Variants in ZNF704 observed in about 807,000 individuals in gnomAD.
ZNF704 encodes the protein glucocorticoid induced gene 1.
Under a neutral mutation model 44.7 loss-of-function variants are expected in ZNF704, and 10 were observed. The ratio of observed to expected loss-of-function variants is 0.22; its 90% CI spans 0.14 to 0.38. The LOEUF (loss-of-function observed/expected upper bound fraction) is 0.38. Among genes scored for constraint, ZNF704 ranks in the 10% least tolerant of loss-of-function variants. The pLI is 1.00. For missense variants in ZNF704, 390 were observed against 545.5 expected, an observed-to-expected ratio of 0.71 and a Z score of 2.84; for synonymous variants, 211 against 207.6, an observed-to-expected ratio of 1.02 and a Z score of -0.14.
chr8:80,834,051 G>A (rs1053290727), intron 1 of ZNF704, among the ~76,000 whole-genome samples: 1 of 152,046 alleles, frequency 6.6e-6, no homozygotes, highest in Non-Finnish European at 1.5e-5. Flanking sequence ...CCTACTAGCT[G>A]GGCACGGTGG....
intron 2 of ZNF704, among the ~76,000 whole-genome samples, chr8:80,693,345 T>C (rs911976376): frequency 6.6e-6 from 1 of 152,190 alleles, no homozygotes; most frequent in Non-Finnish European, 1.5e-5. Flanking sequence ...CTAACAACTG[T>C]TCATTGAGAG....
the ZNF704 span, among the ~76,000 whole-genome samples, chr8:80,880,571 A>G: frequency 6.6e-6 from 1 of 152,226 alleles, no homozygotes; most frequent in African/African-American, 2.4e-5. Flanking sequence ...ACCTAATTTT[A>G]TAATGAGAGA....
At chr8:80,694,153 T>C (rs1227476683) in intron 2 of ZNF704, 1 of 152,188 alleles carries the variant, frequency 6.6e-6, no homozygotes, top group Non-Finnish European at 1.5e-5. Context: ...TAGGGGTGTT[T>C]GAACTCCTGA....
intron 2 of ZNF704, among the ~76,000 whole-genome samples, chr8:80,731,631 G>C (rs551167707): frequency 6.6e-6 from 1 of 152,238 alleles, no homozygotes; most frequent in Admixed American, 6.5e-5. Flanking sequence ...CGGGTGTGGT[G>C]ACATGTGCCT....
chr8:80,841,088 C>T (rs1387374916), intron 1 of ZNF704, among the ~76,000 whole-genome samples: 1 of 152,204 alleles, frequency 6.6e-6, no homozygotes, highest in Non-Finnish European at 1.5e-5. Flanking sequence ...CCCCGCACTG[C>T]CTCCCACCAC....
intron 2 of ZNF704, among the ~76,000 whole-genome samples, chr8:80,698,342 G>A (rs551529800): frequency 1.6e-4 from 24 of 152,188 alleles, no homozygotes; most frequent in Non-Finnish European, 2.9e-4. Context: ...AAGTGAGTAT[G>A]GGTGTTGCCT....
intron 2 of ZNF704, among the ~76,000 whole-genome samples, chr8:80,775,723 G>A (rs1807399810): frequency 6.6e-6 from 1 of 152,142 alleles, no homozygotes; most frequent in African/African-American, 2.4e-5. Context: ...ATTATACTGT[G>A]AGTACAATAC....
At chr8:80,679,629 G>A (rs755270106) in intron 4 of ZNF704, among the ~76,000 whole-genome samples, 7 of 152,186 alleles carry the variant, frequency 4.6e-5, no homozygotes, top group Admixed American at 1.3e-4. Context: ...GAACACCAAC[G>A]TCAGCAAAGA....
intron 6 of ZNF704, among the ~76,000 whole-genome samples, chr8:80,661,126 G>A (rs1818095686): frequency 6.6e-6 from 1 of 152,004 alleles, no homozygotes; most frequent in Admixed American, 6.5e-5. Context: ...ATTAAAAAGT[G>A]GGCAAAGGAC....
rs114120461 is a variant in ZNF704, at chr8:80,782,015, A to C, written c.221+39359T>G. Among the ~76,000 whole-genome samples, 394 of 152,340 alleles carry C rather than the reference A, an allele frequency of 2.6e-3. 2 individuals are homozygous for C. Among genetic ancestry groups the C allele is most frequent in the African/African-American group, 9.1e-3 (379 of 41,578 alleles). On this transcript the variant is annotated intron_variant, in intron 2 of 8. Coordinates refer to ENST00000327835, the MANE Select transcript of ZNF704 (RefSeq NM_001033723.3). ...ATAAATGGCTTTTGCTATATCTCAT[A>C]ATGTTGAACTGTGAACTGCCACCAA...
At chr8:80,646,056 A>G (rs1199944400) in intron 7 of ZNF704, among the ~76,000 whole-genome samples, 2 of 152,154 alleles carry the variant, frequency 1.3e-5, no homozygotes, top group African/African-American at 4.8e-5. Flanking sequence ...TAAAGGCCCT[A>G]ACAGAGGCTG....
chr8:80,757,655 C>T (rs1013491407), intron 2 of ZNF704, among the ~76,000 whole-genome samples: 1 of 152,158 alleles, frequency 6.6e-6, no homozygotes. Context: ...GCACAGCCCC[C>T]GGTCCTGCAA....
intron 2 of ZNF704, among the ~76,000 whole-genome samples, chr8:80,733,862 G>C (rs1259693900): frequency 6.6e-6 from 1 of 152,154 alleles, no homozygotes; most frequent in Non-Finnish European, 1.5e-5. Flanking sequence ...ATTGTTCTCA[G>C]AGGGAAGGAT....
intron 2 of ZNF704, among the ~76,000 whole-genome samples, chr8:80,705,095 G>A (rs1469429194): frequency 1.3e-5 from 2 of 152,132 alleles, no homozygotes; most frequent in African/African-American, 2.4e-5. Flanking sequence ...TTGATGTATG[G>A]GGAAAACTCC....
At chr8:80,646,247 A>C (rs914481151) in intron 7 of ZNF704, among the ~76,000 whole-genome samples, 18 of 152,234 alleles carry the variant, frequency 1.2e-4, no homozygotes, top group African/African-American at 3.9e-4. Flanking sequence ...TGGGAGGCCA[A>C]GGTGAATGGA....
chr8:80,803,413 A>C (rs1216540152), intron 2 of ZNF704, among the ~76,000 whole-genome samples: 1 of 152,234 alleles, frequency 6.6e-6, no homozygotes, highest in Non-Finnish European at 1.5e-5. Context: ...TGGAGGCATT[A>C]CACTACCCAT....
At chr8:80,703,067 C>T (rs2131646440) in intron 2 of ZNF704, among the ~76,000 whole-genome samples, 1 of 152,212 alleles carries the variant, frequency 6.6e-6, no homozygotes, top group East Asian at 1.9e-4. Flanking sequence ...TCCCCATTGC[C>T]CTCACATGAG....
intron 2 of ZNF704, among the ~76,000 whole-genome samples, chr8:80,715,519 G>A (rs1819058912): frequency 6.6e-6 from 1 of 152,214 alleles, no homozygotes. Flanking sequence ...TTTTGGGGAT[G>A]TGAAGCTACG....
At chr8:80,691,285 A>G (rs1585956704) in intron 3 of ZNF704, among the ~76,000 whole-genome samples, 1 of 152,260 alleles carries the variant, frequency 6.6e-6, no homozygotes, top group African/African-American at 2.4e-5. Context: ...ATTGATCCTA[A>G]GTCTCATTCA....
Sources: gnomAD v4.1 joint callset for allele counts (sites outside exome capture counted in the v4.1 genomes callset) on GRCh38, gnomAD v4.1.1 for gene constraint, MANE v1.5 for transcripts, NCBI Gene and HGNC (gene_info 2026-07-23, HGNC 2026-07-21) for gene names.